The following RBFOX1 variants were observed in gnomAD, a reference collection of about 807,000 sequenced individuals.
RBFOX1 encodes the protein RNA binding fox-1 homolog 1, also known as RNA binding protein fox-1 homolog 1.
A neutral mutation model predicts 57.7 loss-of-function variants in RBFOX1; 8 were observed. The observed-to-expected ratio is 0.14, with a 90% confidence interval of 0.08 to 0.25. RBFOX1 has a LOEUF of 0.25. Among genes scored for constraint, RBFOX1 ranks in the 10% least tolerant of loss-of-function variants. The probability of loss-of-function intolerance (pLI) is 1.00; values close to 1 mark genes in which losing one functional copy is unlikely to be tolerated. For missense variants in RBFOX1, 611 were observed against 548.5 expected, an observed-to-expected ratio of 1.11 and a Z score of -1.14; for synonymous variants, 326 against 222.4, an observed-to-expected ratio of 1.47 and a Z score of -4.15.
intron 2 of RBFOX1, among the ~76,000 whole-genome samples, chr16:5,582,020 G>T (rs1428026186): frequency 6.6e-6 from 1 of 152,226 alleles, no homozygotes; most frequent in Non-Finnish European, 1.5e-5. Context: ...CGAACAGAAG[G>T]TGGCTTCTAA....
intron 10 of RBFOX1, among the ~76,000 whole-genome samples, chr16:7,628,342 T>C (rs1223791659): frequency 6.6e-6 from 1 of 152,122 alleles, no homozygotes; most frequent in South Asian, 2.1e-4. Flanking sequence ...TAGAAACACA[T>C]TCATTTATTT....
intron 4 of RBFOX1, among the ~76,000 whole-genome samples, chr16:7,147,151 T>A (rs1167614644): frequency 2.1e-5 from 3 of 142,620 alleles, no homozygotes; most frequent in African/African-American, 7.9e-5. Flanking sequence ...GGCTAATTTT[T>A]TTTTTTATTT....
intron 13 of RBFOX1, among the ~76,000 whole-genome samples, chr16:7,669,352 C>T (rs1001018262): frequency 2.0e-5 from 3 of 151,658 alleles, no homozygotes; most frequent in Admixed American, 1.3e-4. Flanking sequence ...ATTAATATTA[C>T]AAATGAAAAG....
chr16:5,442,982 A>T (rs1371367857), intron 1 of RBFOX1, among the ~76,000 whole-genome samples: 1 of 152,164 alleles, frequency 6.6e-6, no homozygotes, highest in Non-Finnish European at 1.5e-5. Flanking sequence ...TGGAAAGACA[A>T]GGGCAGAGAT....
chr16:6,044,548 A>G (rs1294912121), intron 1 of RBFOX1, among the ~76,000 whole-genome samples: 1 of 152,062 alleles, frequency 6.6e-6, no homozygotes, highest in East Asian at 1.9e-4. Context: ...AATTACAGAG[A>G]GTGGTTTCAA....
chr16:6,602,334 C>T (rs9935419), intron 2 of RBFOX1, among the ~76,000 whole-genome samples: 139,538 of 152,256 alleles, frequency 0.92, 64,362 homozygotes, highest in East Asian at 0.99. Context: ...AAAAGTCCGA[C>T]GTATTCTTTT....
intron 4 of RBFOX1, among the ~76,000 whole-genome samples, chr16:7,325,525 C>A (rs1162440909): frequency 6.6e-6 from 1 of 152,160 alleles, no homozygotes; most frequent in African/African-American, 2.4e-5. Flanking sequence ...AAGAACTTCC[C>A]ATGGAACGGC....
intron 2 of RBFOX1, among the ~76,000 whole-genome samples, chr16:5,547,866 A>G (rs2045280644): frequency 6.6e-6 from 1 of 152,044 alleles, no homozygotes; most frequent in East Asian, 1.9e-4. Flanking sequence ...GGACGTAAAG[A>G]TGGCAACCAT....
At chr16:6,605,905 G>A (rs1342382375) in intron 2 of RBFOX1, among the ~76,000 whole-genome samples, 2 of 152,088 alleles carry the variant, frequency 1.3e-5, no homozygotes, top group African/African-American at 2.4e-5. Flanking sequence ...TTCGAGACCA[G>A]CCTGGCCAAC....
intron 4 of RBFOX1, among the ~76,000 whole-genome samples, chr16:7,370,091 C>T (rs1423631084): frequency 6.6e-6 from 1 of 152,178 alleles, no homozygotes; most frequent in African/African-American, 2.4e-5. Context: ...CCAGAAAATT[C>T]TGTTGTTGAA....
At chr16:6,667,408 A>G (rs1247742052) in intron 3 of RBFOX1, among the ~76,000 whole-genome samples, 1 of 152,160 alleles carries the variant, frequency 6.6e-6, no homozygotes, top group Non-Finnish European at 1.5e-5. Flanking sequence ...TTAGGATTCT[A>G]AAAGGCCTGG....
intron 3 of RBFOX1, among the ~76,000 whole-genome samples, chr16:7,044,431 C>A (rs777029317): frequency 1.3e-5 from 2 of 152,140 alleles, no homozygotes; most frequent in Non-Finnish European, 2.9e-5. Context: ...AGTGAGAAAG[C>A]GTCTTTGGCC....
chr16:6,239,402 G>C (rs543904319), intron 1 of RBFOX1, among the ~76,000 whole-genome samples: 1 of 149,388 alleles, frequency 6.7e-6, no homozygotes, highest in African/African-American at 2.5e-5. Flanking sequence ...AATTTATCAT[G>C]AATACCCGTC....
At chr16:5,652,724 G>C (rs1333593109) in intron 3 of RBFOX1, among the ~76,000 whole-genome samples, 1 of 152,194 alleles carries the variant, frequency 6.6e-6, no homozygotes, top group African/African-American at 2.4e-5. Flanking sequence ...GGCACAGTGG[G>C]AAGAACAAAG....
At chr16:6,968,739 C>T (rs1031238879) in intron 3 of RBFOX1, among the ~76,000 whole-genome samples, 2 of 152,166 alleles carry the variant, frequency 1.3e-5, no homozygotes, top group African/African-American at 4.8e-5. Flanking sequence ...TCATCTCCCT[C>T]CTCTCCCTCC....
chr16:6,941,101 A>T (rs2078364969), intron 3 of RBFOX1, among the ~76,000 whole-genome samples: 1 of 151,962 alleles, frequency 6.6e-6, no homozygotes, highest in African/African-American at 2.4e-5. Flanking sequence ...AACAGGAAAG[A>T]GTCTTAGTTG....
At chr16:6,198,358 A>G (rs955418497) in intron 1 of RBFOX1, among the ~76,000 whole-genome samples, 2 of 152,234 alleles carry the variant, frequency 1.3e-5, no homozygotes, top group Non-Finnish European at 2.9e-5. Flanking sequence ...ATAGGCAGGA[A>G]TGCTCTCTAA....
chr16:6,757,457 C>A (rs2075979304), intron 3 of RBFOX1, among the ~76,000 whole-genome samples: 1 of 152,276 alleles, frequency 6.6e-6, no homozygotes, highest in East Asian at 1.9e-4. Flanking sequence ...GAATACTATT[C>A]AGCCCTGAAA....
intron 2 of RBFOX1, among the ~76,000 whole-genome samples, chr16:6,505,110 A>C (rs371355750): frequency 6.6e-6 from 1 of 151,972 alleles, no homozygotes; most frequent in Non-Finnish European, 1.5e-5. Context: ...AATAAAGTCT[A>C]CTCAAATTAT....
Sources: allele counts gnomAD v4.1 joint callset (sites outside exome capture counted in the v4.1 genomes callset), GRCh38; gene constraint gnomAD v4.1.1; transcripts MANE v1.5; gene names NCBI Gene and HGNC (gene_info 2026-07-23, HGNC 2026-07-21).